PLCE1: variants seen among roughly 807,000 people sequenced by gnomAD.
The protein encoded by PLCE1 is 1-phosphatidylinositol 4,5-bisphosphate phosphodiesterase epsilon-1.
A neutral mutation model predicts 242.8 loss-of-function variants in PLCE1; 119 were observed. That is an observed-to-expected ratio of 0.49 (90% CI 0.42 to 0.57). The LOEUF (loss-of-function observed/expected upper bound fraction) is 0.57. Among genes scored for constraint, PLCE1 ranks in the 20% least tolerant of loss-of-function variants. The pLI is 0.00. For synonymous variants in PLCE1, 945 were observed against 1,017.4 expected (o/e 0.93, Z 1.35); for missense variants, 2,441 against 2,788.8 (o/e 0.88, Z 2.81).
chr10:93,993,999 C>T lies in PLCE1; in HGVS notation c.-624C>T, dbSNP rs958248756. 6.6e-6 allele frequency among the ~76,000 whole-genome samples: 1 copy of T among 151,654 alleles called. No individual in the cohort carries two copies. The highest frequency in any genetic ancestry group is 1.5e-5 in the Non-Finnish European group (1 of 67,852). ...GGGTCCACACGGTAACGCTGGGCAACGTGGGCAACGCGGCGGGCGGCGGGC... is the reference window on the plus strand; with the variant it reads ...GGGTCCACACGGTAACGCTGGGCAATGTGGGCAACGCGGCGGGCGGCGGGC... On this transcript the variant is annotated 5_prime_UTR_variant, in exon 1 of 33. The change creates a new upstream start codon in the 5' untranslated region. Coordinates refer to ENST00000371380, the MANE Select transcript of PLCE1 (RefSeq NM_016341.4).
At chr10:94,320,996 T>C (rs1055191196) in intron 29 of PLCE1, among the ~76,000 whole-genome samples, 3 of 152,200 alleles carry the variant, frequency 2.0e-5, no homozygotes, top group Admixed American at 1.3e-4. Flanking sequence ...CTGTACTGTT[T>C]GAAAATTTTT....
At chr10:94,177,979 A>G (rs890345202) in intron 4 of PLCE1, among the ~76,000 whole-genome samples, 1 of 152,136 alleles carries the variant, frequency 6.6e-6, no homozygotes, top group Non-Finnish European at 1.5e-5. Flanking sequence ...CTGAGTTGCT[A>G]GTTCTCAAAC....
At chr10:94,218,189 G>T (rs182181449) in intron 4 of PLCE1, among the ~76,000 whole-genome samples, 1 of 152,150 alleles carries the variant, frequency 6.6e-6, no homozygotes, top group South Asian at 2.1e-4. Flanking sequence ...CTTTCTGTGT[G>T]ATACAGTTAT....
chr10:94,230,235 A>T (rs1329340176), intron 5 of PLCE1, among the ~76,000 whole-genome samples: 6 of 152,224 alleles, frequency 3.9e-5, no homozygotes, highest in Non-Finnish European at 8.8e-5. Context: ...AATAACCCAA[A>T]TGAACAACAA....
intron 28 of PLCE1, among the ~76,000 whole-genome samples, chr10:94,314,326 G>A (rs915791258): frequency 4.6e-5 from 7 of 152,172 alleles, no homozygotes; most frequent in Admixed American, 2.0e-4. Context: ...GCAGCCAGGC[G>A]CAGTGGCTCA....
chr10:94,131,149 T>C (rs2046587874), intron 2 of PLCE1, among the ~76,000 whole-genome samples: 1 of 152,356 alleles, frequency 6.6e-6, no homozygotes, highest in African/African-American at 2.4e-5. Flanking sequence ...GACAGCATGA[T>C]AGAGACAGCA....
At chr10:94,137,890 A>G in intron 3 of PLCE1, 1 of 317,618 alleles carries the variant, frequency 3.1e-6, no homozygotes, top group Non-Finnish European at 6.3e-6. Context: ...GAAAAATGAA[A>G]ATCTATTGCC....
At chr10:94,284,200 G>C (rs897754121) in intron 21 of PLCE1, among the ~76,000 whole-genome samples, 7 of 152,234 alleles carry the variant, frequency 4.6e-5, no homozygotes, top group Admixed American at 4.6e-4. Context: ...TGTGTTGAAT[G>C]TAAGTGCATA....
intron 2 of PLCE1, chr10:94,096,668 C>A (rs1432754216): frequency 3.3e-5 from 5 of 152,116 alleles, no homozygotes; most frequent in African/African-American, 9.7e-5. Context: ...TATCACCAAC[C>A]ATAAACCCTA....
chr10:94,094,493 C>A (rs887181598), intron 2 of PLCE1, among the ~76,000 whole-genome samples: 1 of 152,144 alleles, frequency 6.6e-6, no homozygotes, highest in Non-Finnish European at 1.5e-5. Flanking sequence ...CATAGCAGGG[C>A]TTCCTAATGC....
chr10:94,245,858 A>G (rs1429995417), intron 7 of PLCE1, 88 bp from the exon 8 acceptor site: 4 of 1,022,328 alleles, frequency 3.9e-6, no homozygotes, highest in Non-Finnish European at 6.2e-6. Context: ...TAGTGCGATG[A>G]AAAATAAAGC....
chr10:94,267,180 A>G (rs1178348862), intron 16 of PLCE1, among the ~76,000 whole-genome samples: 1 of 152,240 alleles, frequency 6.6e-6, no homozygotes, highest in Non-Finnish European at 1.5e-5. Flanking sequence ...ACACATATAC[A>G]TGCGTGTACA....
At chr10:94,011,397 A>C (rs1157273910) in intron 1 of PLCE1, among the ~76,000 whole-genome samples, 1 of 152,120 alleles carries the variant, frequency 6.6e-6, no homozygotes, top group African/African-American at 2.4e-5. Flanking sequence ...ACTAGGCCCC[A>C]CCTCCAACAT....
In PLCE1 at chr10:94,326,253, T is replaced by G. The variant is rs183418042; in HGVS notation, c.*24+1149T>G. On this transcript the variant is annotated intron_variant, in intron 32 of 32. Transcript: ENST00000371380. ...TTATGACAATGAGGAACTTCTGATATAAAACTGCCAAACTGCAGAAACTCA... is the reference window on the plus strand; with the variant it reads ...TTATGACAATGAGGAACTTCTGATAGAAAACTGCCAAACTGCAGAAACTCA... Among the ~76,000 whole-genome samples the G allele has an allele frequency of 3.3e-5, 5 of 152,314 alleles. No individual in the cohort carries two copies. In the East Asian group the frequency reaches 9.6e-4, roughly 29 times the overall value.
chr10:94,129,615 T>C (rs1304372501), intron 2 of PLCE1, among the ~76,000 whole-genome samples: 2 of 152,154 alleles, frequency 1.3e-5, no homozygotes, highest in Admixed American at 1.3e-4. Context: ...AGTGAGCAAA[T>C]GCACAATGAG....
intron 4 of PLCE1, among the ~76,000 whole-genome samples, chr10:94,184,233 T>C (rs1564766173): frequency 6.6e-6 from 1 of 152,184 alleles, no homozygotes; most frequent in South Asian, 2.1e-4. Flanking sequence ...CCCTGCTAAG[T>C]GTCCCTTCAA....
intron 2 of PLCE1, among the ~76,000 whole-genome samples, chr10:94,129,984 C>T (rs1003370452): frequency 3.3e-5 from 5 of 152,152 alleles, no homozygotes; most frequent in Non-Finnish European, 5.9e-5. Context: ...GGTGAGTTGT[C>T]TCCCCAGCTG....
chr10:94,232,055 G>T (rs531215519), intron 5 of PLCE1, among the ~76,000 whole-genome samples: 70 of 152,304 alleles, frequency 4.6e-4, no homozygotes, highest in African/African-American at 1.6e-3. Context: ...TGCATATGTT[G>T]GAAAAGTATT....
At chr10:94,090,462 G>A (rs780079663) in intron 2 of PLCE1, among the ~76,000 whole-genome samples, 9 of 152,154 alleles carry the variant, frequency 5.9e-5, no homozygotes, top group African/African-American at 1.7e-4. Flanking sequence ...AATTGTGTCC[G>A]TGTCCTGACG....
Sources: allele counts gnomAD v4.1 joint callset (sites outside exome capture counted in the v4.1 genomes callset), GRCh38; gene constraint gnomAD v4.1.1; transcripts MANE v1.5; gene names NCBI Gene and HGNC (gene_info 2026-07-23, HGNC 2026-07-21).